Variants in PARVB observed in about 807,000 individuals in gnomAD.
PARVB encodes the protein parvin beta, also known as beta-parvin.
In PARVB, 46 loss-of-function variants were observed where a neutral mutation model predicts 47.0. That is an observed-to-expected ratio of 0.98 (90% CI 0.77 to 1.25). PARVB has a LOEUF of 1.25. Among genes scored for constraint, PARVB ranks in the 50% most tolerant of loss-of-function variants. PARVB has a pLI of 0.00. For missense variants in PARVB, 473 were observed against 471.6 expected (o/e 1.00, Z -0.03); for synonymous variants, 196 against 196.3 (o/e 1.00, Z 0.01).
intron 9 of PARVB, chr22:44,148,631 T>A (rs1569154637): frequency 6.5e-6 from 1 of 153,958 alleles, no homozygotes; most frequent in East Asian, 1.9e-4. Context: ...CTAGGACAGC[T>A]TACCCAAACA....
At chr22:44,032,402 T>C (rs544929626) in intron 1 of PARVB, among the ~76,000 whole-genome samples, 1 of 152,194 alleles carries the variant, frequency 6.6e-6, no homozygotes, top group Non-Finnish European at 1.5e-5. Context: ...TTTGAGGCTA[T>C]GTGTGTTAAA....
chr22:43,999,663 T>C (rs2050391220), exon 2 of PARVB: 2 of 1,612,632 alleles, frequency 1.2e-6, no homozygotes, highest in Middle Eastern at 1.6e-4. Flanking sequence ...CTGAATATGC[T>C]CAAGGAGGAG....
chr22:44,031,203 C>T (rs551821781), intron 1 of PARVB, among the ~76,000 whole-genome samples: 1 of 152,212 alleles, frequency 6.6e-6, no homozygotes, highest in Non-Finnish European at 1.5e-5. Flanking sequence ...CTGCCCAGCA[C>T]CTTCATGGGA....
intron 3 of PARVB, chr22:44,107,535 A>T (rs2052594679): frequency 6.6e-6 from 1 of 152,182 alleles, no homozygotes; most frequent in African/African-American, 2.4e-5. Context: ...ATCTGGGTTT[A>T]TGCTAACGAG....
intron 2 of PARVB, among the ~76,000 whole-genome samples, chr22:44,014,990 G>A (rs1603422812): frequency 6.6e-6 from 1 of 151,896 alleles, no homozygotes; most frequent in South Asian, 2.1e-4. Flanking sequence ...AGCTGGGATT[G>A]TAGGTGCCCG....
intron 1 of PARVB, among the ~76,000 whole-genome samples, chr22:44,043,962 C>T (rs1049780289): frequency 6.6e-6 from 1 of 152,138 alleles, no homozygotes; most frequent in Non-Finnish European, 1.5e-5. Flanking sequence ...CTCACACTGG[C>T]CAGGGGCTGG....
chr22:44,090,818 G>A, intron 1 of PARVB, among the ~76,000 whole-genome samples: 1 of 152,342 alleles, frequency 6.6e-6, no homozygotes, highest in East Asian at 1.9e-4. Context: ...TATGATGCCA[G>A]CCAGGACATG....
At chr22:44,129,413 C>G (rs2053261440) in intron 4 of PARVB, among the ~76,000 whole-genome samples, 1 of 152,176 alleles carries the variant, frequency 6.6e-6, no homozygotes, top group South Asian at 2.1e-4. Flanking sequence ...CGCTCCTCTG[C>G]CGACTCCTCT....
At chr22:44,076,128 C>T (rs1229200311) in intron 1 of PARVB, among the ~76,000 whole-genome samples, 8 of 152,368 alleles carry the variant, frequency 5.3e-5, no homozygotes, top group African/African-American at 1.4e-4. Flanking sequence ...GAGGCCAGAG[C>T]GCTCAGCCCC....
chr22:44,081,532 A>T, intron 1 of PARVB: 1 of 879,816 alleles, frequency 1.1e-6, no homozygotes, highest in South Asian at 5.2e-5. Context: ...TACCAGTCAC[A>T]TTAATTAATA....
intron 1 of PARVB, among the ~76,000 whole-genome samples, chr22:44,062,592 G>A (rs1299589456): frequency 2.0e-5 from 3 of 151,308 alleles, no homozygotes; most frequent in East Asian, 1.9e-4. Context: ...AGCTGAGATC[G>A]CACCACTGCA....
At chr22:44,074,971 G>A (rs1203875268) in intron 1 of PARVB, among the ~76,000 whole-genome samples, 6 of 152,342 alleles carry the variant, frequency 3.9e-5, no homozygotes, top group Middle Eastern at 3.4e-3. Flanking sequence ...CCTCAACACT[G>A]AGGATTCTTG....
chr22:44,031,801 G>C (rs575837250), intron 1 of PARVB, among the ~76,000 whole-genome samples: 2 of 152,268 alleles, frequency 1.3e-5, no homozygotes, highest in Non-Finnish European at 2.9e-5. Context: ...TCCCTGCTGC[G>C]AGTATGGATT....
At chr22:44,120,828 A>G (rs1289932627) in intron 4 of PARVB, among the ~76,000 whole-genome samples, 1 of 147,854 alleles carries the variant, frequency 6.8e-6, no homozygotes, top group African/African-American at 2.5e-5. Context: ...GATGTGTACC[A>G]CCACACTTGG....
At chr22:44,091,042 T>A (rs1009312164) in intron 1 of PARVB, among the ~76,000 whole-genome samples, 4 of 152,198 alleles carry the variant, frequency 2.6e-5, no homozygotes. Context: ...TCTGGATTAT[T>A]TTTAGAGAGG....
chr22:44,132,839 T>A, intron 5 of PARVB, 55 bp from the exon 6 acceptor site: 2 of 1,228,732 alleles, frequency 1.6e-6, no homozygotes, highest in Non-Finnish European at 2.4e-6. Context: ...GCACGTGGGC[T>A]CAGGTTCCTG....
Position 44,082,391 on chromosome 22 carries a change from C to T in PARVB, c.113-11537C>T, listed in dbSNP as rs541760793. Among the ~76,000 whole-genome samples the T allele has an allele frequency of 6.6e-5, 10 of 152,112 alleles. No individual in the cohort carries two copies. The South Asian group carries it at 2.1e-3, about 32-fold the overall frequency. ...AAAATTAGCTGGGTGTGGTGGTGCA[C>T]ACTTGTAATCCCAGCTACTCAGGAG... On this transcript the variant is annotated intron_variant, in intron 1 of 12. Transcript: ENST00000338758.
chr22:44,077,773 A>G (rs139968138), intron 1 of PARVB, among the ~76,000 whole-genome samples: 1 of 152,200 alleles, frequency 6.6e-6, no homozygotes, highest in African/African-American at 2.4e-5. Flanking sequence ...TCATTCTGTC[A>G]TCCAGGCTGG....
chr22:44,108,318 T>A (rs2052614654), intron 3 of PARVB: 1 of 152,260 alleles, frequency 6.6e-6, no homozygotes, highest in South Asian at 2.1e-4. Flanking sequence ...TCAAGTAGCC[T>A]GGGAGCCCCA....
Sources: allele counts gnomAD v4.1 joint callset (sites outside exome capture counted in the v4.1 genomes callset), GRCh38; gene constraint gnomAD v4.1.1; transcripts MANE v1.5; gene names NCBI Gene and HGNC (gene_info 2026-07-23, HGNC 2026-07-21).